Variants in ANKS1B observed in about 807,000 individuals in gnomAD.
The protein encoded by ANKS1B is ankyrin repeat and sterile alpha motif domain-containing protein 1B.
Under a neutral mutation model 148.3 loss-of-function variants are expected in ANKS1B, and 36 were observed. The observed-to-expected ratio is 0.24, with a 90% CI of 0.19 to 0.32. The LOEUF is 0.32. ANKS1B is among the 10% of genes least tolerant of loss of function. The pLI, the probability that ANKS1B is intolerant of heterozygous loss-of-function variation, is 1.00. For synonymous variants in ANKS1B, 542 were observed against 560.8 expected, an observed-to-expected ratio of 0.97 and a Z score of 0.47; for missense variants, 1,157 against 1,542.6, an observed-to-expected ratio of 0.75 and a Z score of 4.19.
intron 20 of ANKS1B, among the ~76,000 whole-genome samples, chr12:98,805,544 G>A (rs925890428): frequency 6.6e-6 from 1 of 152,138 alleles, no homozygotes; most frequent in Non-Finnish European, 1.5e-5. Flanking sequence ...CTAATATAAT[G>A]TAATTAAATT....
At chr12:99,520,130 C>T (rs1489804002) in intron 9 of ANKS1B, among the ~76,000 whole-genome samples, 1 of 152,024 alleles carries the variant, frequency 6.6e-6, no homozygotes, top group East Asian at 1.9e-4. Context: ...CTATAATATT[C>T]TCTGTTTTTT....
intron 17 of ANKS1B, among the ~76,000 whole-genome samples, chr12:98,856,782 CCAAA>C (rs2099574040): frequency 6.6e-6 from 1 of 151,940 alleles, no homozygotes; most frequent in Non-Finnish European, 1.5e-5. Flanking sequence ...AAGGAAGAGC[CCAAA>C]CAGTTTTTAA....
At chr12:98,966,461 C>T (rs1315976760) in intron 17 of ANKS1B, among the ~76,000 whole-genome samples, 13 of 152,118 alleles carry the variant, frequency 8.5e-5, no homozygotes, top group Admixed American at 5.2e-4. Context: ...GGACTGTAAA[C>T]TAGTTCAACC....
intron 1 of ANKS1B, among the ~76,000 whole-genome samples, chr12:99,918,671 A>G (rs1320290463): frequency 6.6e-6 from 1 of 152,194 alleles, no homozygotes; most frequent in East Asian, 1.9e-4. Context: ...GGAGCAAAGC[A>G]TTCCTATATT....
intron 9 of ANKS1B, among the ~76,000 whole-genome samples, chr12:99,576,697 A>G (rs186265294): frequency 2.3e-4 from 35 of 152,262 alleles, no homozygotes; most frequent in African/African-American, 7.5e-4. Context: ...GAAAACAAAG[A>G]TACAGCATGC....
At chr12:99,116,541 T>A (rs2061466789) in intron 15 of ANKS1B, among the ~76,000 whole-genome samples, 1 of 152,194 alleles carries the variant, frequency 6.6e-6, no homozygotes, top group African/African-American at 2.4e-5. Flanking sequence ...GTTTTGCCCA[T>A]GATATTTTGA....
intron 14 of ANKS1B, among the ~76,000 whole-genome samples, chr12:99,160,141 T>C (rs897702902): frequency 2.0e-5 from 3 of 152,228 alleles, no homozygotes; most frequent in African/African-American, 7.2e-5. Flanking sequence ...GTTGGAAGCA[T>C]AGTTTGTAAA....
chr12:98,998,418 A>T (rs1205045195), intron 17 of ANKS1B, among the ~76,000 whole-genome samples: 1 of 152,248 alleles, frequency 6.6e-6, no homozygotes, highest in Non-Finnish European at 1.5e-5. Flanking sequence ...AAATAAGGTT[A>T]CTGAAAATAT....
At chr12:99,058,824 G>A (rs1339644124) in intron 16 of ANKS1B, among the ~76,000 whole-genome samples, 1 of 134,516 alleles carries the variant, frequency 7.4e-6, no homozygotes, top group Non-Finnish European at 1.5e-5. Context: ...TGCAAGCTCC[G>A]CCTCCCAGGT....
intron 1 of ANKS1B, among the ~76,000 whole-genome samples, chr12:99,868,449 G>C (rs762652234): frequency 2.0e-5 from 3 of 152,032 alleles, no homozygotes; most frequent in African/African-American, 7.2e-5. Context: ...TAACACCATT[G>C]TTCTTCAACA....
intron 17 of ANKS1B, among the ~76,000 whole-genome samples, chr12:98,888,746 A>G (rs1329852780): frequency 2.0e-5 from 3 of 151,858 alleles, no homozygotes; most frequent in African/African-American, 7.3e-5. Flanking sequence ...TCTCAGGGAT[A>G]CCCCCAAATT....
chr12:98,992,793 T>C (rs1380275940), intron 17 of ANKS1B, among the ~76,000 whole-genome samples: 2 of 152,186 alleles, frequency 1.3e-5, no homozygotes, highest in African/African-American at 4.8e-5. Flanking sequence ...CATGACACTT[T>C]CCTTACCTGA....
intron 21 of ANKS1B, among the ~76,000 whole-genome samples, chr12:98,800,675 G>GATATAT (rs3049844): frequency 0.07 from 6,957 of 99,672 alleles, 1,231 homozygotes; most frequent in African/African-American, 0.22. Flanking sequence ...AGTGAGCAGA[G>GATATAT]ATATATATAT....
intron 26 of ANKS1B, among the ~76,000 whole-genome samples, chr12:98,748,360 G>C (rs897899868): frequency 7.2e-5 from 11 of 152,156 alleles, no homozygotes; most frequent in African/African-American, 2.7e-4. Flanking sequence ...TTTCGTCCCT[G>C]TGCGTACAAA....
At chr12:99,205,114 A>T (rs1355380091) in intron 14 of ANKS1B, among the ~76,000 whole-genome samples, 1 of 152,232 alleles carries the variant, frequency 6.6e-6, no homozygotes, top group Non-Finnish European at 1.5e-5. Flanking sequence ...AAAGTTCCAC[A>T]TCACCAAGCA....
chr12:99,586,654 A>G (rs2097644410), intron 9 of ANKS1B, among the ~76,000 whole-genome samples: 1 of 152,180 alleles, frequency 6.6e-6, no homozygotes, highest in African/African-American at 2.4e-5. Context: ...TGCTGCTAAT[A>G]AAGGCATACT....
intron 1 of ANKS1B, among the ~76,000 whole-genome samples, chr12:99,875,214 C>T (rs1270081211): frequency 1.3e-5 from 2 of 152,056 alleles, no homozygotes; most frequent in Non-Finnish European, 2.9e-5. Context: ...AGAATAAATG[C>T]AGTGATGTTT....
At chr12:98,791,733 T>G (rs2098862424) in intron 22 of ANKS1B, among the ~76,000 whole-genome samples, 1 of 152,176 alleles carries the variant, frequency 6.6e-6, no homozygotes, top group African/African-American at 2.4e-5. Flanking sequence ...CAACAGAGAC[T>G]TTTAAAAAAA....
chr12:99,446,168 G>C (rs1391746999), intron 10 of ANKS1B, among the ~76,000 whole-genome samples: 1 of 151,768 alleles, frequency 6.6e-6, no homozygotes, highest in Non-Finnish European at 1.5e-5. Flanking sequence ...TTGGACAGAA[G>C]ATAGCTGTGA....
Sources: gnomAD v4.1 joint callset for allele counts (sites outside exome capture counted in the v4.1 genomes callset) on GRCh38, gnomAD v4.1.1 for gene constraint, MANE v1.5 for transcripts, NCBI Gene and HGNC (gene_info 2026-07-23, HGNC 2026-07-21) for gene names.